Variants in FOXP1 observed in about 807,000 individuals in gnomAD.
FOXP1 encodes the protein forkhead box protein P1.
FOXP1 carries 15 observed loss-of-function variants against 98.2 expected under a neutral mutation model. That is an observed-to-expected ratio of 0.15 (90% CI 0.10 to 0.24). The LOEUF (loss-of-function observed/expected upper bound fraction) is 0.24. Ranked by LOEUF, FOXP1 falls within the 10% of genes least tolerant of loss-of-function variation. The pLI is 1.00. For synonymous variants in FOXP1, 371 were observed against 314.5 expected, an observed-to-expected ratio of 1.18 and a Z score of -1.90; for missense variants, 633 against 848.5, an observed-to-expected ratio of 0.75 and a Z score of 3.15.
intron 7 of FOXP1, among the ~76,000 whole-genome samples, chr3:71,112,092 T>C (rs1032443658): frequency 8.2e-6 from 1 of 121,230 alleles, no homozygotes; most frequent in African/African-American, 3.3e-5. Flanking sequence ...TCTCTAGACA[T>C]TGCCCATTGT....
rs1319129362 is a variant in FOXP1, at chr3:71,330,636, C to T, written c.-73+28514G>A. Among the ~76,000 whole-genome samples, 2 of 152,176 alleles carry T rather than the reference C, an allele frequency of 1.3e-5. 1 individual carries two copies. ...AAATTTGCATTAAGTGCAATTAAGA[C>T]ATGAGTGCCCAATAATAGTAGATTG... On this transcript the variant is annotated intron_variant, in intron 4 of 20. Coordinates refer to ENST00000649528, the MANE Select transcript of FOXP1 (RefSeq NM_001349338.3).
intron 3 of FOXP1, among the ~76,000 whole-genome samples, chr3:71,404,092 T>C (rs2082122370): frequency 1.3e-5 from 2 of 148,930 alleles, no homozygotes; most frequent in Admixed American, 6.7e-5. Flanking sequence ...GAGATCCCCA[T>C]GTATTGGGGT....
chr3:71,583,373 G>A (rs2048344181), intron 1 of FOXP1, 198 bp downstream of exon 1: 3 of 825,756 alleles, frequency 3.6e-6, no homozygotes, highest in Non-Finnish European at 4.4e-6. Flanking sequence ...GGGAGAGGAA[G>A]AGAGGGGAGG....
intron 4 of FOXP1, among the ~76,000 whole-genome samples, chr3:71,337,833 A>T (rs1038245257): frequency 2.0e-5 from 3 of 152,216 alleles, no homozygotes; most frequent in African/African-American, 4.8e-5. Context: ...CATTTATTAG[A>T]CATTGGGAAC....
chr3:71,241,507 G>A (rs927802471), intron 5 of FOXP1, among the ~76,000 whole-genome samples: 3 of 152,138 alleles, frequency 2.0e-5, no homozygotes, highest in Non-Finnish European at 4.4e-5. Context: ...GGAACACTCA[G>A]CAAGATAATG....
intron 4 of FOXP1, among the ~76,000 whole-genome samples, chr3:71,354,987 T>C (rs910987968): frequency 6.6e-6 from 1 of 152,166 alleles, no homozygotes; most frequent in Non-Finnish European, 1.5e-5. Context: ...ACAATATCCT[T>C]CAGGCTCAAG....
chr3:71,464,195 G>A (rs1364978151), intron 3 of FOXP1, among the ~76,000 whole-genome samples: 1 of 152,166 alleles, frequency 6.6e-6, no homozygotes, highest in Non-Finnish European at 1.5e-5. Flanking sequence ...CGGATCAACT[G>A]AGCCCGGGAG....
chr3:71,047,241 G>A (rs1162337813), intron 9 of FOXP1, 146 bp from the exon 10 acceptor site: 3 of 907,458 alleles, frequency 3.3e-6, no homozygotes, highest in East Asian at 5.1e-5. Flanking sequence ...GTTTAAAAGG[G>A]ACAAAGCATA....
intron 3 of FOXP1, among the ~76,000 whole-genome samples, chr3:71,414,280 G>A (rs528228691): frequency 1.3e-5 from 2 of 152,250 alleles, no homozygotes; most frequent in Admixed American, 6.5e-5. Context: ...AGAATCCACC[G>A]CATCAGGTTC....
intron 2 of FOXP1, among the ~76,000 whole-genome samples, chr3:71,497,445 A>G (rs1219372080): frequency 6.6e-6 from 1 of 152,180 alleles, no homozygotes; most frequent in Non-Finnish European, 1.5e-5. Flanking sequence ...AGTCTCAAAC[A>G]TTTTTTTAAA....
intron 5 of FOXP1, among the ~76,000 whole-genome samples, chr3:71,200,274 A>C (rs911113602): frequency 6.6e-6 from 1 of 152,156 alleles, no homozygotes; most frequent in Non-Finnish European, 1.5e-5. Context: ...CCATCTACTG[A>C]TCACCAGTGT....
At chr3:71,132,916 C>T (rs2059641401) in intron 6 of FOXP1, among the ~76,000 whole-genome samples, 1 of 151,032 alleles carries the variant, frequency 6.6e-6, no homozygotes, top group Non-Finnish European at 1.5e-5. Flanking sequence ...GTGCTAAAGT[C>T]GATGATTTTC....
chr3:71,287,469 T>C (rs1576779020), intron 5 of FOXP1, among the ~76,000 whole-genome samples: 1 of 151,910 alleles, frequency 6.6e-6, no homozygotes. Context: ...CGAGACCCTG[T>C]CTCAAAATAA....
At chr3:71,317,406 C>T (rs1220970381) in intron 4 of FOXP1, among the ~76,000 whole-genome samples, 5 of 151,922 alleles carry the variant, frequency 3.3e-5, no homozygotes, top group African/African-American at 4.8e-5. Context: ...TTCGCACAGG[C>T]GGGCTCTGGA....
At chr3:70,971,169 C>T (rs2036154399) in intron 18 of FOXP1, 1 of 323,212 alleles carries the variant, frequency 3.1e-6, no homozygotes, top group South Asian at 2.9e-5. Flanking sequence ...AGTGAGCTCA[C>T]AGCAGGGGCT....
intron 8 of FOXP1, among the ~76,000 whole-genome samples, chr3:71,052,848 T>G (rs1301772234): frequency 6.6e-6 from 1 of 152,192 alleles, no homozygotes; most frequent in African/African-American, 2.4e-5. Flanking sequence ...AACATACCAT[T>G]TTCTACACAA....
intron 3 of FOXP1, among the ~76,000 whole-genome samples, chr3:71,398,390 C>G (rs2081704600): frequency 6.6e-6 from 1 of 152,160 alleles, no homozygotes; most frequent in African/African-American, 2.4e-5. Flanking sequence ...TATTTCAGTT[C>G]TTGCTATGAA....
chr3:71,532,857 T>C (rs2043968676), intron 2 of FOXP1, among the ~76,000 whole-genome samples: 1 of 152,154 alleles, frequency 6.6e-6, no homozygotes, highest in Admixed American at 6.5e-5. Flanking sequence ...ACTTCATAAT[T>C]TGTTTTTAAG....
At chr3:71,119,137 T>A (rs2058578868) in intron 6 of FOXP1, among the ~76,000 whole-genome samples, 1 of 152,258 alleles carries the variant, frequency 6.6e-6, no homozygotes, top group South Asian at 2.1e-4. Flanking sequence ...AAATTCAATG[T>A]TGATGTTCTG....
Sources: allele counts gnomAD v4.1 joint callset (sites outside exome capture counted in the v4.1 genomes callset), GRCh38; gene constraint gnomAD v4.1.1; transcripts MANE v1.5; gene names NCBI Gene and HGNC (gene_info 2026-07-23, HGNC 2026-07-21).